Variants in SLC5A12 observed in about 807,000 individuals in gnomAD.
SLC5A12 encodes the protein sodium-coupled monocarboxylate transporter 2.
Under a neutral mutation model 72.7 loss-of-function variants are expected in SLC5A12, and 46 were observed. The observed-to-expected ratio is 0.63, with a 90% CI of 0.50 to 0.81. The LOEUF (loss-of-function observed/expected upper bound fraction) is 0.81. SLC5A12 is among the 30% of genes least tolerant of loss of function. The pLI is 0.00. For missense variants in SLC5A12, 683 were observed against 740.7 expected (o/e 0.92, Z 0.90); for synonymous variants, 275 against 264.4 (o/e 1.04, Z -0.39).
At chr11:26,691,502 T>A (rs969399723) in intron 9 of SLC5A12, among the ~76,000 whole-genome samples, 5 of 151,656 alleles carry the variant, frequency 3.3e-5, no homozygotes, top group East Asian at 1.9e-4. Context: ...ATGAAAAAAA[T>A]TTAAAAAGTA....
intron 8 of SLC5A12, 29 bp from the exon 9 acceptor site, chr11:26,692,630 T>C (rs768058536): frequency 1.3e-6 from 2 of 1,529,782 alleles, no homozygotes; most frequent in South Asian, 1.1e-5. Flanking sequence ...GAGAACATGG[T>C]CTAAGCTATA....
chr11:26,693,404 G>A (rs1854731776), intron 8 of SLC5A12, among the ~76,000 whole-genome samples: 1 of 152,178 alleles, frequency 6.6e-6, no homozygotes, highest in Non-Finnish European at 1.5e-5. Context: ...GTAAGACTGG[G>A]AAGTAGCCAC....
intron 9 of SLC5A12, 46 bp downstream of exon 9, chr11:26,692,443 T>C: frequency 1.5e-6 from 2 of 1,297,102 alleles, no homozygotes; most frequent in South Asian, 1.2e-5. Flanking sequence ...ATCTACCACA[T>C]GTACATTTCA....
At chr11:26,671,354 A>T in intron 14 of SLC5A12, 103 bp from the exon 15 acceptor site, 2 of 954,230 alleles carry the variant, frequency 2.1e-6, no homozygotes, top group Non-Finnish European at 3.1e-6. Context: ...AATTATATAT[A>T]TGTACAAAAG....
intron 1 of SLC5A12, among the ~76,000 whole-genome samples, chr11:26,716,525 C>A (rs947493058): frequency 1.3e-5 from 2 of 152,136 alleles, no homozygotes; most frequent in Non-Finnish European, 2.9e-5. Context: ...ATGCTTCATG[C>A]CTGCTTGTAA....
intron 2 of SLC5A12, among the ~76,000 whole-genome samples, chr11:26,711,865 T>A (rs1855237661): frequency 6.6e-6 from 1 of 152,112 alleles, no homozygotes; most frequent in Non-Finnish European, 1.5e-5. Context: ...ATATGTCTTC[T>A]AATTCCCAGA....
intron 2 of SLC5A12, 61 bp downstream of exon 2, chr11:26,712,580 A>G: frequency 1.5e-6 from 2 of 1,308,650 alleles, no homozygotes; most frequent in Non-Finnish European, 2.1e-6. Context: ...CCCCCAAAAT[A>G]AACAAACCTA....
intron 13 of SLC5A12, among the ~76,000 whole-genome samples, chr11:26,675,748 A>C (rs76263186): frequency 0.013 from 2,050 of 152,248 alleles, 50 homozygotes; most frequent in African/African-American, 0.047. Flanking sequence ...CCTAGAATCC[A>C]TTCCCCACAT....
chr11:26,686,852 G>A (rs1381350129), intron 9 of SLC5A12, among the ~76,000 whole-genome samples: 1 of 152,172 alleles, frequency 6.6e-6, no homozygotes, highest in Non-Finnish European at 1.5e-5. Context: ...ATGTGGGAGA[G>A]GTCCAGACTA....
chr11:26,707,564 C>T (rs1565200027), intron 4 of SLC5A12, among the ~76,000 whole-genome samples: 1 of 151,940 alleles, frequency 6.6e-6, no homozygotes, highest in Non-Finnish European at 1.5e-5. Flanking sequence ...CCATCATACT[C>T]ATTGTCTCTT....
chr11:26,679,851 G>A (rs1403338905), intron 12 of SLC5A12, among the ~76,000 whole-genome samples: 1 of 152,094 alleles, frequency 6.6e-6, no homozygotes, highest in Non-Finnish European at 1.5e-5. Context: ...TGGTAGTAAT[G>A]AGTTCAGAAA....
chr11:26,721,837 A>T lies in SLC5A12; in HGVS notation c.-123T>A, dbSNP rs1590747545. The T allele has an allele frequency of 7.2e-6, 6 of 835,744 alleles. No homozygotes were observed. In the South Asian group the frequency reaches 1.0e-4, roughly 14 times the overall value. 51.8% of individuals were successfully genotyped at this position (835,744 alleles called of 1,614,324 possible). ...GGAGAGACTGTGATTCCCTGAAGAA[A>T]ATGATTACCAGAGGCACTCGTGTGA... On this transcript the variant is annotated 5_prime_UTR_variant, in exon 1 of 15. Coordinates refer to ENST00000396005, the MANE Select transcript of SLC5A12 (RefSeq NM_178498.4).
chr11:26,683,880 C>G, intron 10 of SLC5A12, 37 bp from the exon 11 acceptor site: 1 of 1,528,944 alleles, frequency 6.5e-7, no homozygotes, highest in Non-Finnish European at 8.9e-7. Context: ...ATCCCCTACT[C>G]AAGGGCATCT....
intron 10 of SLC5A12, among the ~76,000 whole-genome samples, chr11:26,685,928 T>G (rs1590715398): frequency 6.6e-6 from 1 of 152,146 alleles, no homozygotes; most frequent in South Asian, 2.1e-4. Context: ...GGATGATAGG[T>G]GGAGGTGAGC....
At chr11:26,712,557 G>T in intron 2 of SLC5A12, 84 bp downstream of exon 2, 1 of 949,634 alleles carries the variant, frequency 1.1e-6, no homozygotes, top group Non-Finnish European at 1.5e-6. Flanking sequence ...GTGTCCTTTA[G>T]CTGAGTTTAT....
At chr11:26,679,770 G>A (rs998964002) in intron 12 of SLC5A12, among the ~76,000 whole-genome samples, 5 of 152,062 alleles carry the variant, frequency 3.3e-5, no homozygotes, top group African/African-American at 7.2e-5. Context: ...AGTTTGGCAG[G>A]TATTTAGCTC....
At chr11:26,703,231 C>T (rs12575103) in intron 6 of SLC5A12, among the ~76,000 whole-genome samples, 3,541 of 152,154 alleles carry the variant, frequency 0.023, 64 homozygotes, top group East Asian at 0.072. Context: ...TTTGCATTGC[C>T]ACCCACAGTA....
intron 8 of SLC5A12, among the ~76,000 whole-genome samples, chr11:26,695,873 T>G (rs1342854350): frequency 2.0e-5 from 3 of 152,198 alleles, no homozygotes; most frequent in Non-Finnish European, 4.4e-5. Flanking sequence ...GGGCCTTAGG[T>G]GCCAGTGTTT....
intron 3 of SLC5A12, among the ~76,000 whole-genome samples, chr11:26,710,922 T>C (rs928846682): frequency 6.6e-6 from 1 of 152,200 alleles, no homozygotes; most frequent in African/African-American, 2.4e-5. Context: ...AGTGTAACTA[T>C]TACAAGCAAC....
Sources: allele counts gnomAD v4.1 joint callset (sites outside exome capture counted in the v4.1 genomes callset), GRCh38; gene constraint gnomAD v4.1.1; transcripts MANE v1.5; gene names NCBI Gene and HGNC (gene_info 2026-07-23, HGNC 2026-07-21).